Variants in TTC28 observed in about 807,000 individuals in gnomAD.
TTC28 encodes the protein tetratricopeptide repeat domain 28.
Under a neutral mutation model 198.0 loss-of-function variants are expected in TTC28, and 61 were observed. The ratio of observed to expected loss-of-function variants is 0.31; its 90% CI spans 0.25 to 0.38. The LOEUF (loss-of-function observed/expected upper bound fraction) is 0.38. Ranked by LOEUF, TTC28 falls within the 10% of genes least tolerant of loss-of-function variation. The pLI is 1.00. For missense variants in TTC28, 2,678 were observed against 3,164.0 expected, an observed-to-expected ratio of 0.85 and a Z score of 3.69; for synonymous variants, 1,171 against 1,297.8, an observed-to-expected ratio of 0.90 and a Z score of 2.10.
In TTC28 at chr22:28,371,509, CAAAAAAAA is replaced by C. The variant is rs1229801209; in HGVS notation, c.382-64874_382-64867del. On this transcript the variant is annotated intron_variant, in intron 2 of 22. Transcript: ENST00000397906. ...TGGGCAACAGAGTGAGACCCTGTCTCAAAAAAAAAAAAAAAAAAAAGAGTTCAGAAAAC... is the reference window on the plus strand; with the variant it reads ...TGGGCAACAGAGTGAGACCCTGTCTCAAAAAAAAAAAAGAGTTCAGAAAAC... Among the ~76,000 whole-genome samples, 6 of 6,104 alleles carry C rather than the reference CAAAAAAAA, an allele frequency of 9.8e-4. 1 individual carries two copies. Among genetic ancestry groups the C allele is most frequent in the Non-Finnish European group, 1.7e-3 (6 of 3,440 alleles). 4.0% of individuals were successfully genotyped at this position (6,104 alleles called of 152,430 possible).
At chr22:28,412,053 T>C (rs1044962774) in intron 2 of TTC28, among the ~76,000 whole-genome samples, 1 of 152,196 alleles carries the variant, frequency 6.6e-6, no homozygotes, top group Non-Finnish European at 1.5e-5. Context: ...GTTCTATAAG[T>C]GGGTTGACAC....
At chr22:28,226,350 G>C (rs1300276010) in intron 5 of TTC28, among the ~76,000 whole-genome samples, 1 of 152,056 alleles carries the variant, frequency 6.6e-6, no homozygotes, top group East Asian at 1.9e-4. Context: ...GGGCATGTAG[G>C]CTTGCTCACT....
intron 13 of TTC28, among the ~76,000 whole-genome samples, chr22:28,022,788 A>G (rs1938664313): frequency 2.0e-5 from 3 of 152,246 alleles, no homozygotes; most frequent in African/African-American, 7.2e-5. Context: ...TGGCAAATAC[A>G]TTATATTTAA....
intron 5 of TTC28, among the ~76,000 whole-genome samples, chr22:28,278,200 T>C (rs1321573235): frequency 6.6e-6 from 1 of 152,146 alleles, no homozygotes; most frequent in African/African-American, 2.4e-5. Flanking sequence ...TACTGAATTA[T>C]ATCAAACTAC....
chr22:28,040,819 T>C (rs1244953121), intron 12 of TTC28, among the ~76,000 whole-genome samples: 2 of 152,200 alleles, frequency 1.3e-5, no homozygotes, highest in Non-Finnish European at 2.9e-5. Context: ...GATGACATGA[T>C]TGTATATTTA....
intron 5 of TTC28, among the ~76,000 whole-genome samples, chr22:28,293,957 CAGA>C (rs1482109525): frequency 6.6e-6 from 1 of 152,006 alleles, no homozygotes; most frequent in Non-Finnish European, 1.5e-5. Context: ...AGGGAATGGC[CAGA>C]AGAAGTTGAT....
chr22:28,560,509 T>C (rs2049852612), intron 2 of TTC28, among the ~76,000 whole-genome samples: 1 of 152,140 alleles, frequency 6.6e-6, no homozygotes, highest in Non-Finnish European at 1.5e-5. Context: ...CCTCATCTCT[T>C]ATCTCTCTTC....
intron 2 of TTC28, among the ~76,000 whole-genome samples, chr22:28,386,274 C>CAAAAAAAAAAAAAAAAAAA (rs71194764): frequency 3.4e-4 from 18 of 52,236 alleles, no homozygotes; most frequent in South Asian, 1.8e-3. Flanking sequence ...GACTCCGTCT[C>CAAAAAAAAAAAAAAAAAAA]AAAAAAAAAA....
chr22:28,531,538 T>C (rs1240525969), intron 2 of TTC28, among the ~76,000 whole-genome samples: 3 of 152,182 alleles, frequency 2.0e-5, no homozygotes, highest in African/African-American at 7.2e-5. Context: ...GGAATTGAAC[T>C]CAGCTCAGCA....
chr22:28,677,939 A>G (rs544536093), intron 1 of TTC28, among the ~76,000 whole-genome samples: 3 of 150,354 alleles, frequency 2.0e-5, no homozygotes, highest in East Asian at 3.9e-4. Flanking sequence ...CTCCGTCTCA[A>G]AAAAAAAAAG....
intron 2 of TTC28, among the ~76,000 whole-genome samples, chr22:28,408,301 T>C (rs1281743901): frequency 2.0e-5 from 3 of 152,224 alleles, no homozygotes; most frequent in Non-Finnish European, 2.9e-5. Context: ...CTAAAGTCTG[T>C]TCCACCCAGA....
chr22:28,209,711 G>A (rs1451020630), intron 5 of TTC28, among the ~76,000 whole-genome samples: 1 of 152,222 alleles, frequency 6.6e-6, no homozygotes, highest in Non-Finnish European at 1.5e-5. Context: ...CCTCTGGGGA[G>A]CAGGGCATAG....
chr22:28,645,355 G>A (rs888667093), intron 1 of TTC28, among the ~76,000 whole-genome samples: 2 of 151,270 alleles, frequency 1.3e-5, no homozygotes, highest in Non-Finnish European at 2.9e-5. Flanking sequence ...TCAGGCCGGC[G>A]CGGTAGCTCA....
chr22:28,182,803 C>T (rs964459874), intron 5 of TTC28, among the ~76,000 whole-genome samples: 1 of 152,220 alleles, frequency 6.6e-6, no homozygotes, highest in Non-Finnish European at 1.5e-5. Context: ...GATTTCACAA[C>T]AAACAAGAGA....
rs1273719744 is a variant in TTC28, at chr22:27,982,796, G to T, written c.6871C>A (p.Pro2291Thr). 6.5e-7 allele frequency: 1 copy of T among 1,544,834 alleles called. No individual in the cohort carries two copies. The highest frequency in any genetic ancestry group is 8.8e-7 in the Non-Finnish European group (1 of 1,142,710). The change falls in exon 23 of 23, where the codon CCC (proline) becomes ACC (threonine). Residue 2291 changes from proline to threonine, a missense_variant. Pro to Thr is a conservative substitution (Grantham distance 38). Coordinates refer to ENST00000397906, the MANE Select transcript of TTC28 (RefSeq NM_001145418.2). The surrounding 1 kb of genome is among the most constrained non-coding windows in gnomAD (Gnocchi z 5.2). ...LDQPLFKLKY[P>T]SSPYSAHISK... The stretch of plus-strand genomic sequence containing the variant: ...ATGTGAGCGCTGTAAGGAGAGCTGG[G>T]GTACTTCAGTTTAAAGAGAGGCTGG...
In TTC28 at chr22:28,445,887, CAT is replaced by C. The variant is rs1555876946; in HGVS notation, c.382-139246_382-139245del. Among the ~76,000 whole-genome samples, 90 of 151,786 alleles carry C rather than the reference CAT, an allele frequency of 5.9e-4. 1 individual carries two copies. Among genetic ancestry groups the C allele is most frequent in the African/African-American group, 1.8e-3 (75 of 41,390 alleles). ...ACACACACACACACACACACACACA[CAT>C]ATGTATTTCTAAAATGTTCATTCAC... On this transcript the variant is annotated intron_variant, in intron 2 of 22. Coordinates refer to ENST00000397906, the MANE Select transcript of TTC28 (RefSeq NM_001145418.2).
chr22:28,477,524 T>C (rs997201303), intron 2 of TTC28, among the ~76,000 whole-genome samples: 2 of 152,132 alleles, frequency 1.3e-5, no homozygotes, highest in African/African-American at 2.4e-5. Context: ...AAAAAAGACA[T>C]GAGGGCGGAA....
At chr22:28,603,825 C>T (rs1320138756) in intron 2 of TTC28, among the ~76,000 whole-genome samples, 1 of 152,016 alleles carries the variant, frequency 6.6e-6, no homozygotes, top group Non-Finnish European at 1.5e-5. Context: ...GAAATTTAAC[C>T]TGTGACTAAA....
intron 12 of TTC28, among the ~76,000 whole-genome samples, chr22:28,077,472 T>C (rs1016564952): frequency 6.6e-6 from 1 of 152,186 alleles, no homozygotes; most frequent in African/African-American, 2.4e-5. Context: ...CAACTTCCGA[T>C]GGTCATGACA....
Sources: gnomAD v4.1 joint callset for allele counts (sites outside exome capture counted in the v4.1 genomes callset) on GRCh38, gnomAD v4.1.1 for gene constraint, Gnocchi (gnomAD v3.1) non-coding constraint, MANE v1.5 for transcripts, NCBI Gene and HGNC (gene_info 2026-07-23, HGNC 2026-07-21) for gene names.